The following TFCP2 variants were observed in gnomAD, a reference collection of about 807,000 sequenced individuals.
TFCP2 encodes alpha-globin transcription factor CP2.
Under a neutral mutation model 73.4 loss-of-function variants are expected in TFCP2, and 33 were observed. That is an observed-to-expected ratio of 0.45 (90% CI 0.34 to 0.60). TFCP2 has a LOEUF of 0.60. Among genes scored for constraint, TFCP2 ranks in the 20% least tolerant of loss-of-function variants. The pLI, the probability that TFCP2 is intolerant of heterozygous loss-of-function variation, is 0.01. For missense variants in TFCP2, 352 were observed against 604.0 expected (o/e 0.58, Z 4.37); for synonymous variants, 193 against 211.6 (o/e 0.91, Z 0.76).
At chr12:51,153,103 C>A (rs1303044275) in intron 1 of TFCP2, among the ~76,000 whole-genome samples, 1 of 152,190 alleles carries the variant, frequency 6.6e-6, no homozygotes, top group East Asian at 1.9e-4. Flanking sequence ...GTTGGCTGGG[C>A]ACAGCAGCTC....
intron 1 of TFCP2, among the ~76,000 whole-genome samples, chr12:51,128,675 C>G (rs1007499066): frequency 1.3e-5 from 2 of 152,108 alleles, no homozygotes; most frequent in Admixed American, 1.3e-4. Flanking sequence ...AATTTTTTAA[C>G]TTAAAAGTTA....
In TFCP2 at chr12:51,104,585, A is replaced by G; in HGVS notation, c.918-382T>C. 1.3e-5 allele frequency among the ~76,000 whole-genome samples: 2 copies of G among 152,306 alleles called. 1 individual carries two copies. The highest frequency in any genetic ancestry group is 6.8e-3 in the Middle Eastern group (2 of 294). ...ATTTAAAAATAAAATGAAAAATATCAGGATAAAAAATTTTATCAATACATT... is the reference window on the plus strand; with the variant it reads ...ATTTAAAAATAAAATGAAAAATATCGGGATAAAAAATTTTATCAATACATT... On this transcript the variant is annotated intron_variant, in intron 8 of 14. Transcript: ENST00000257915.
intron 1 of TFCP2, among the ~76,000 whole-genome samples, chr12:51,149,712 G>A (rs1476955642): frequency 1.3e-5 from 2 of 152,012 alleles, no homozygotes; most frequent in Non-Finnish European, 2.9e-5. Flanking sequence ...CGATTCTCGT[G>A]CCACATCCTC....
At position 51,133,691 on chromosome 12, in the gene TFCP2, C is replaced by T. The variant is rs374325467; in HGVS notation, c.123-14919G>A. On this transcript the variant is annotated intron_variant, in intron 1 of 14. Transcript: ENST00000257915. ...CCTGTAATCCCAGCACTTTGGGAGG[C>T]TGAGGCGGGCAGATCACTTAAGGTC... Among the ~76,000 whole-genome samples, 352 of 152,190 alleles carry T rather than the reference C, an allele frequency of 2.3e-3. 1 individual carries two copies. The highest frequency in any genetic ancestry group is 8.0e-3 in the African/African-American group (331 of 41,556).
intron 1 of TFCP2, among the ~76,000 whole-genome samples, chr12:51,154,180 A>C (rs763478355): frequency 6.6e-6 from 1 of 152,126 alleles, no homozygotes; most frequent in Non-Finnish European, 1.5e-5. Flanking sequence ...TCTCTTAGAG[A>C]CCCTGCTTTC....
intron 1 of TFCP2, among the ~76,000 whole-genome samples, chr12:51,163,890 G>A (rs369981328): frequency 6.6e-6 from 1 of 152,122 alleles, no homozygotes; most frequent in African/African-American, 2.4e-5. Flanking sequence ...ACAATGTTTA[G>A]AGCAGAGATA....
rs6580786 is a variant in TFCP2 at position 51,094,086 on chromosome 12, C to A, written c.*1155G>T. The A allele has an allele frequency of 0.98, 149,848 of 152,302 alleles. 73,757 individuals carry two copies. The highest frequency in any genetic ancestry group is 1 in the Middle Eastern group (294 of 294). The allele number at this position is 152,302 out of a possible 1,614,324, so 9.4% of individuals were successfully genotyped here. A position where few individuals can be genotyped will look rare whatever the true frequency, so the allele number is the denominator to read the frequency against. ...GAATGCATCTTTTTTTGTAAAGCTTCTATTAAAAAACATAGCATGAGTAAA... is the reference window on the plus strand; with the variant it reads ...GAATGCATCTTTTTTTGTAAAGCTTATATTAAAAAACATAGCATGAGTAAA... On this transcript the variant is annotated 3_prime_UTR_variant, in exon 15 of 15. Coordinates refer to ENST00000257915, the MANE Select transcript of TFCP2 (RefSeq NM_005653.5).
intron 12 of TFCP2, 59 bp downstream of exon 12, chr12:51,099,596 C>T (rs1940058035): frequency 1.3e-6 from 2 of 1,590,226 alleles, no homozygotes; most frequent in Non-Finnish European, 1.7e-6. Context: ...TCACACATGC[C>T]CATAAGTTAT....
intron 1 of TFCP2, among the ~76,000 whole-genome samples, chr12:51,165,266 A>T (rs979818953): frequency 6.6e-6 from 1 of 152,150 alleles, no homozygotes; most frequent in African/African-American, 2.4e-5. Context: ...CAAGAAAATA[A>T]CAGCAAACTG....
At chr12:51,146,496 A>C (rs1941302104) in intron 1 of TFCP2, among the ~76,000 whole-genome samples, 1 of 151,968 alleles carries the variant, frequency 6.6e-6, no homozygotes, top group Non-Finnish European at 1.5e-5. Context: ...AATTAAAACC[A>C]CAATAAAATA....
In TFCP2 at chr12:51,098,815, C is replaced by T. The variant is rs774540274; in HGVS notation, c.1380G>A (p.Lys460=). ...ISPCQISQIY[K]QGPTGIHVLI... ...GCACATGAATTCCTGTTGGCCCCTG[C>T]TTGTAAATCTGGCTGATCTGGCAAG... The change falls in exon 13 of 15, where the codon AAG becomes AAA. Residue 460 remains lysine, a synonymous_variant. Transcript: ENST00000257915. The T allele has an allele frequency of 2.4e-5, 39 of 1,613,986 alleles. No individual in the cohort carries two copies. The highest frequency in any genetic ancestry group is 3.1e-5 in the Non-Finnish European group (37 of 1,180,038).
At chr12:51,104,061 A>G in intron 9 of TFCP2, 94 bp downstream of exon 9, 1 of 1,190,350 alleles carries the variant, frequency 8.4e-7, no homozygotes, top group Non-Finnish European at 1.3e-6. Flanking sequence ...TGAATGAATA[A>G]TACTCCCTAA....
chr12:51,107,796 G>A (rs1049187481), intron 6 of TFCP2, among the ~76,000 whole-genome samples: 35 of 151,734 alleles, frequency 2.3e-4, no homozygotes, highest in Non-Finnish European at 8.8e-5. Context: ...AGTAGAGACG[G>A]GGTTTCACCA....
intron 4 of TFCP2, among the ~76,000 whole-genome samples, chr12:51,113,142 T>A (rs993356271): frequency 6.6e-6 from 1 of 152,178 alleles, no homozygotes; most frequent in Non-Finnish European, 1.5e-5. Flanking sequence ...CAATAGAGCA[T>A]CAAGTGGGTC....
At chr12:51,116,570 C>T (rs1940532711) in intron 3 of TFCP2, 150 bp from the exon 4 acceptor site, 1 of 421,114 alleles carries the variant, frequency 2.4e-6, no homozygotes, top group Admixed American at 4.0e-5. Flanking sequence ...AAACCCATAC[C>T]ATACTAAGTG....
At chr12:51,166,326 TA>T (rs1486460267) in intron 1 of TFCP2, among the ~76,000 whole-genome samples, 2 of 147,958 alleles carry the variant, frequency 1.4e-5, no homozygotes, top group Non-Finnish European at 3.0e-5. Context: ...AAAATAATAA[TA>T]ATAATAAATA....
intron 1 of TFCP2, among the ~76,000 whole-genome samples, chr12:51,130,884 G>C (rs1260958455): frequency 6.6e-6 from 1 of 151,932 alleles, no homozygotes; most frequent in Non-Finnish European, 1.5e-5. Flanking sequence ...CTACTCGAGA[G>C]GCTGAGGCAG....
intron 10 of TFCP2, among the ~76,000 whole-genome samples, chr12:51,103,381 C>T (rs1192897136): frequency 5.9e-5 from 9 of 152,030 alleles, no homozygotes; most frequent in Non-Finnish European, 1.3e-4. Flanking sequence ...TGCAAATGCC[C>T]CCTTGATAAA....
At chr12:51,131,727 TTCAG>T (rs1263527590) in intron 1 of TFCP2, among the ~76,000 whole-genome samples, 49 of 152,292 alleles carry the variant, frequency 3.2e-4, no homozygotes, top group African/African-American at 1.1e-3. Context: ...AAAAGAAAAC[TTCAG>T]TCATTCAAAG....
Sources: allele counts gnomAD v4.1 joint callset (sites outside exome capture counted in the v4.1 genomes callset), GRCh38; gene constraint gnomAD v4.1.1; transcripts MANE v1.5; gene names NCBI Gene and HGNC (gene_info 2026-07-23, HGNC 2026-07-21).